Variants in NIPSNAP2 observed in about 807,000 individuals in gnomAD.
NIPSNAP2 encodes the protein nipsnap homolog 2.
A neutral mutation model predicts 48.4 loss-of-function variants in NIPSNAP2; 42 were observed. The ratio of observed to expected loss-of-function variants is 0.87; its 90% CI spans 0.68 to 1.12. The LOEUF (loss-of-function observed/expected upper bound fraction) is 1.12. Among genes scored for constraint, NIPSNAP2 ranks in the 50% most tolerant of loss-of-function variants. NIPSNAP2 has a pLI of 0.00. For missense variants in NIPSNAP2, 314 were observed against 347.3 expected, an observed-to-expected ratio of 0.90 and a Z score of 0.76; for synonymous variants, 158 against 126.6, an observed-to-expected ratio of 1.25 and a Z score of -1.67.
chr7:55,988,674 C>T (rs539663337), intron 7 of NIPSNAP2, among the ~76,000 whole-genome samples: 23 of 152,174 alleles, frequency 1.5e-4, no homozygotes, highest in African/African-American at 5.1e-4. Context: ...ACCTGGCCAA[C>T]GTGACAAGAC....
chr7:55,998,869 G>A (rs1787623074), intron 9 of NIPSNAP2, 139 bp from the exon 10 acceptor site: 2 of 738,480 alleles, frequency 2.7e-6, no homozygotes, highest in East Asian at 2.6e-5. Context: ...CTGCCCTTGA[G>A]GTTAGTCCTG....
intron 6 of NIPSNAP2, 131 bp from the exon 7 acceptor site, chr7:55,984,716 T>C (rs1787290592): frequency 3.2e-6 from 2 of 631,572 alleles, no homozygotes; most frequent in East Asian, 3.2e-5. Context: ...AGATTCTGTC[T>C]CAAAAAAAAA....
At chr7:55,997,314 G>GA in intron 8 of NIPSNAP2, 52 bp from the exon 9 acceptor site, 1 of 1,267,442 alleles carries the variant, frequency 7.9e-7, no homozygotes, top group Non-Finnish European at 1.2e-6. Flanking sequence ...TGTATGGGTG[G>GA]AATGCAGTGT....
intron 1 of NIPSNAP2, among the ~76,000 whole-genome samples, chr7:55,976,635 C>T (rs1193182931): frequency 6.6e-6 from 1 of 152,168 alleles, no homozygotes; most frequent in Non-Finnish European, 1.5e-5. Context: ...CCTATAATCC[C>T]AGCACTTTGA....
chr7:55,984,098 A>G (rs1197979019), intron 6 of NIPSNAP2, among the ~76,000 whole-genome samples: 5 of 149,522 alleles, frequency 3.3e-5, no homozygotes, highest in African/African-American at 7.3e-5. Context: ...TCTAAATAAC[A>G]TATTTGTTTT....
At chr7:55,968,096 C>T (rs576544993) in intron 1 of NIPSNAP2, among the ~76,000 whole-genome samples, 1 of 152,214 alleles carries the variant, frequency 6.6e-6, no homozygotes, top group African/African-American at 2.4e-5. Flanking sequence ...AGCCACACGT[C>T]TAAAGAATTC....
chr7:55,985,956 G>C (rs984251623), intron 7 of NIPSNAP2, among the ~76,000 whole-genome samples: 9 of 152,066 alleles, frequency 5.9e-5, no homozygotes, highest in African/African-American at 2.2e-4. Flanking sequence ...GCTGAGGCAG[G>C]AGAATTGCTT....
At chr7:55,979,939 G>A (rs1787178546) in intron 3 of NIPSNAP2, 1 of 439,650 alleles carries the variant, frequency 2.3e-6, no homozygotes, top group Non-Finnish European at 4.5e-6. Context: ...AAGAGGAGTG[G>A]CTACAAATCC....
At chr7:55,996,133 A>G (rs545246614) in intron 8 of NIPSNAP2, among the ~76,000 whole-genome samples, 1 of 152,298 alleles carries the variant, frequency 6.6e-6, no homozygotes, top group African/African-American at 2.4e-5. Flanking sequence ...TACTAAAAAT[A>G]CAGAAAATTA....
intron 2 of NIPSNAP2, 29 bp from the exon 3 acceptor site, chr7:55,978,321 G>A: frequency 1.2e-6 from 2 of 1,613,120 alleles, no homozygotes; most frequent in Non-Finnish European, 1.7e-6. Context: ...TTGTTCCTAA[G>A]TTTATCGTTG....
intron 7 of NIPSNAP2, among the ~76,000 whole-genome samples, chr7:55,992,974 AT>A (rs538339479): frequency 1.3e-4 from 19 of 150,050 alleles, no homozygotes; most frequent in African/African-American, 2.9e-4. Context: ...ATCACTAAAT[AT>A]TTTTTTTTTA....
At chr7:55,968,761 C>T (rs1709408760) in intron 1 of NIPSNAP2, among the ~76,000 whole-genome samples, 2 of 152,088 alleles carry the variant, frequency 1.3e-5, no homozygotes, top group Admixed American at 6.6e-5. Flanking sequence ...TGTGGTGGTT[C>T]ACACCTGTAA....
Position 55,964,696 on chromosome 7 carries a change from G to T in NIPSNAP2, c.87G>T (p.Arg29Ser). The T allele has an allele frequency of 8.9e-7, 1 of 1,122,110 alleles. No individual in the cohort carries two copies. Among genetic ancestry groups the T allele is most frequent in the Non-Finnish European group, 1.1e-6 (1 of 917,590 alleles). 69.5% of individuals were successfully genotyped at this position (1,122,110 alleles called of 1,614,324 possible). Residue 29 changes from arginine to serine, a missense_variant, in exon 1 of 10, where the codon AGG (arginine) becomes AGT (serine). By Grantham distance (110) the Arg-to-Ser change is moderately radical. This residue lies in a region of NIPSNAP2 where 198 missense variants were observed against 185.5 expected (regional missense o/e 1.07). Coordinates refer to ENST00000322090, the MANE Select transcript of NIPSNAP2 (RefSeq NM_001483.3). ...CGGCCCCCTGCAGCCTCCTGCCCAG[G>T]CTCCGGTGAGCAGCGCCGCCCTTCC... Reference protein sequence around the residue: ...QRAAPCSLLPRLRTWTSSSNR... With the variant: ...QRAAPCSLLPSLRTWTSSSNR...
At chr7:55,995,747 G>A (rs1787549489) in intron 8 of NIPSNAP2, among the ~76,000 whole-genome samples, 1 of 152,190 alleles carries the variant, frequency 6.6e-6, no homozygotes, top group Non-Finnish European at 1.5e-5. Context: ...CCAGATGCAG[G>A]ATCCTGGAAT....
intron 7 of NIPSNAP2, among the ~76,000 whole-genome samples, chr7:55,989,321 A>G (rs1787395697): frequency 6.6e-6 from 1 of 152,208 alleles, no homozygotes; most frequent in South Asian, 2.1e-4. Flanking sequence ...GAGAAAAGAC[A>G]GAGACATACA....
At chr7:55,997,561 G>T in intron 9 of NIPSNAP2, 112 bp downstream of exon 9, 2 of 774,096 alleles carry the variant, frequency 2.6e-6, no homozygotes, top group Non-Finnish European at 4.3e-6. Flanking sequence ...AGGATAGTGA[G>T]TTATCAGGTT....
At chr7:55,995,727 A>G (rs1787549084) in intron 8 of NIPSNAP2, among the ~76,000 whole-genome samples, 1 of 152,182 alleles carries the variant, frequency 6.6e-6, no homozygotes, top group South Asian at 2.1e-4. Flanking sequence ...AGCTGCCCGG[A>G]GAGGGCCTCC....
At chr7:55,993,452 G>A (rs182595516) in intron 7 of NIPSNAP2, among the ~76,000 whole-genome samples, 10 of 151,746 alleles carry the variant, frequency 6.6e-5, no homozygotes, top group African/African-American at 1.2e-4. Flanking sequence ...GGTGGTGGGC[G>A]CCTGTAATCC....
chr7:55,977,112 C>G (rs930178197), intron 1 of NIPSNAP2, among the ~76,000 whole-genome samples: 4 of 150,426 alleles, frequency 2.7e-5, no homozygotes, highest in African/African-American at 9.8e-5. Flanking sequence ...TTTTTTTGGC[C>G]AGGCTCGGTA....
Sources: allele counts gnomAD v4.1 joint callset (sites outside exome capture counted in the v4.1 genomes callset), GRCh38; gene constraint gnomAD v4.1.1; regional missense constraint gnomAD v4.1.1; transcripts MANE v1.5; gene names NCBI Gene and HGNC (gene_info 2026-07-23, HGNC 2026-07-21).